Variants in GK5 observed in about 807,000 individuals in gnomAD.
GK5 encodes the protein ATP:glycerol 3-phosphotransferase 5.
In GK5, 39 loss-of-function variants were observed where a neutral mutation model predicts 77.3. The observed-to-expected ratio is 0.50, with a 90% CI of 0.39 to 0.66. GK5 has a LOEUF of 0.66. Ranked by LOEUF, GK5 falls within the 30% of genes least tolerant of loss-of-function variation. The probability of loss-of-function intolerance (pLI) is 0.00; values close to 1 mark genes in which losing one functional copy is unlikely to be tolerated. For missense variants in GK5, 487 were observed against 633.8 expected, an observed-to-expected ratio of 0.77 and a Z score of 2.49; for synonymous variants, 211 against 208.0, an observed-to-expected ratio of 1.01 and a Z score of -0.13.
At chr3:142,168,241 C>G (rs1400382241) in intron 15 of GK5, among the ~76,000 whole-genome samples, 1 of 152,084 alleles carries the variant, frequency 6.6e-6, no homozygotes, top group East Asian at 1.9e-4. Flanking sequence ...TACCTTGTTA[C>G]AGTTCTAAGT....
chr3:142,201,557 C>T (rs918626855), intron 4 of GK5, among the ~76,000 whole-genome samples: 10 of 152,104 alleles, frequency 6.6e-5, no homozygotes, highest in South Asian at 4.1e-4. Flanking sequence ...TTTGTAGTGA[C>T]GGAACTGTTC....
rs902125300 is a variant in GK5, at chr3:142,177,654, ATGATAGTATTTACC to A, written c.1049-92_1049-79del. 1.6e-5 allele frequency: 13 copies of A among 807,900 alleles called. No homozygotes were observed. The African/African-American group carries it at 2.1e-4, about 13-fold the overall frequency. The allele number at this position is 807,900 out of a possible 1,614,324, so 50.0% of individuals were successfully genotyped here. A position where few individuals can be genotyped will look rare whatever the true frequency, so the allele number is the denominator to read the frequency against. ...AGAGGCACAAACAGAATTATGTTAC[ATGATAGTATTTACC>A]TGCATCAACATTTATTATGAATATA... On this transcript the variant is annotated intron_variant, in intron 11 of 15. Coordinates refer to ENST00000392993, the MANE Select transcript of GK5 (RefSeq NM_001039547.3).
intron 3 of GK5, among the ~76,000 whole-genome samples, chr3:142,211,213 G>T (rs1478342873): frequency 4.6e-5 from 7 of 152,168 alleles, no homozygotes; most frequent in African/African-American, 1.2e-4. Flanking sequence ...GGGTGCTACT[G>T]ACATCTAGTG....
intron 12 of GK5, among the ~76,000 whole-genome samples, chr3:142,177,276 C>T (rs773317607): frequency 6.6e-6 from 1 of 152,164 alleles, no homozygotes; most frequent in Non-Finnish European, 1.5e-5. Context: ...ACAAGCCAAG[C>T]CAGCAGGGCC....
chr3:142,171,451 CTT>C lies in GK5; in HGVS notation c.1273_1274del (p.Lys425GlufsTer18). The C allele has an allele frequency of 1.4e-6, 2 of 1,467,852 alleles. No homozygotes were observed. Among genetic ancestry groups the C allele is most frequent in the Non-Finnish European group, 1.8e-6 (2 of 1,087,788 alleles). 90.9% of individuals were successfully genotyped at this position (1,467,852 alleles called of 1,614,324 possible). On this transcript the variant is annotated frameshift_variant, in exon 14 of 16. Transcript: ENST00000392993. LOFTEE classifies it high-confidence loss of function. ...FRNKQLYEMM[K>X]KEIHIPVRKI... ...TTCTTACAGGAATATGAATCTCTTT[CTT>C]CATCATCTCATATAACTGTTTGTTT...
intron 5 of GK5, among the ~76,000 whole-genome samples, chr3:142,196,393 T>C (rs1210373322): frequency 1.3e-5 from 2 of 152,098 alleles, no homozygotes; most frequent in Non-Finnish European, 2.9e-5. Context: ...TAAGGTAGAA[T>C]GGTAGACTAT....
chr3:142,215,514 G>T, intron 2 of GK5, 85 bp downstream of exon 2: 1 of 692,908 alleles, frequency 1.4e-6, no homozygotes, highest in South Asian at 1.9e-5. Context: ...TATAACTTAG[G>T]AAAACCACAA....
chr3:142,201,768 G>T (rs9814922), intron 4 of GK5, among the ~76,000 whole-genome samples: 98,073 of 152,082 alleles, frequency 0.64, 32,521 homozygotes, highest in African/African-American at 0.8. Context: ...ATTTTACCAT[G>T]GGGAGAAAGT....
At position 142,159,079 on chromosome 3, in the gene GK5, GATCAT is replaced by G. The variant is rs2063403719; in HGVS notation, c.*6538_*6542del. ...ATGGCTCATTAAGCAAACATTTAGT[GATCAT>G]ATCTCACTGCAGCCTCGAACTCCTG... On this transcript the variant is annotated 3_prime_UTR_variant, in exon 16 of 16. Coordinates refer to ENST00000392993, the MANE Select transcript of GK5 (RefSeq NM_001039547.3). 6.6e-6 allele frequency: 1 copy of G among 152,146 alleles called. No homozygotes were observed. The highest frequency in any genetic ancestry group is 2.1e-4 in the South Asian group (1 of 4,822). 9.4% of individuals were successfully genotyped at this position (152,146 alleles called of 1,614,324 possible). A position where few individuals can be genotyped will look rare whatever the true frequency, so the allele number is the denominator to read the frequency against.
At chr3:142,167,373 C>CA (rs34862424) in intron 15 of GK5, among the ~76,000 whole-genome samples, 41 of 137,832 alleles carry the variant, frequency 3.0e-4, no homozygotes, top group Middle Eastern at 7.4e-3. Context: ...GACTCCATCT[C>CA]AAAAAAAAAA....
chr3:142,215,575 T>C, intron 2 of GK5, 24 bp downstream of exon 2: 1 of 1,246,838 alleles, frequency 8.0e-7, no homozygotes. Context: ...TAAAGATTAT[T>C]GTTATTTTTA....
chr3:142,183,996 C>T lies in GK5; in HGVS notation c.817-947G>A, dbSNP rs142160088. On this transcript the variant is annotated intron_variant, in intron 9 of 15. Coordinates refer to ENST00000392993, the MANE Select transcript of GK5 (RefSeq NM_001039547.3). Reference sequence around the variant, plus strand: ...GTAAGAGGCCAGGCGCGGTGACTCACGCCTGTAATCCCAACACTTTGGGAG... The same window carrying T: ...GTAAGAGGCCAGGCGCGGTGACTCATGCCTGTAATCCCAACACTTTGGGAG... Among the ~76,000 whole-genome samples the T allele has an allele frequency of 1.0e-2, 1,514 of 151,866 alleles. 26 individuals carry two copies. Among genetic ancestry groups the T allele is most frequent in the African/African-American group, 0.034 (1,401 of 41,396 alleles).
intron 12 of GK5, among the ~76,000 whole-genome samples, chr3:142,173,968 G>T (rs527920311): frequency 2.0e-5 from 3 of 151,964 alleles, no homozygotes; most frequent in Non-Finnish European, 4.4e-5. Flanking sequence ...TCTTGGTTTG[G>T]CTTCCTCAGG....
In GK5 at chr3:142,200,087, CTA is replaced by C. The variant is rs746964293; in HGVS notation, c.412-1156_412-1155del. Among the ~76,000 whole-genome samples the C allele has an allele frequency of 7.3e-3, 1,092 of 149,318 alleles. 6 individuals are homozygous for C. The highest frequency in any genetic ancestry group is 0.01 in the Non-Finnish European group (692 of 67,552). ...TTCAGTGCTCACACCTTCTTTATTT[CTA>C]TATATATATACACACACACACACAC... is the stretch of plus-strand genomic sequence containing the variant. On this transcript the variant is annotated intron_variant, in intron 4 of 15. Coordinates refer to ENST00000392993, the MANE Select transcript of GK5 (RefSeq NM_001039547.3).
chr3:142,190,281 C>G (rs1177033306), intron 5 of GK5, among the ~76,000 whole-genome samples: 2 of 151,966 alleles, frequency 1.3e-5, no homozygotes, highest in East Asian at 3.9e-4. Flanking sequence ...GTGAGAAGGT[C>G]TAAACTTAAA....
At chr3:142,172,183 G>T (rs1217332586) in intron 13 of GK5, among the ~76,000 whole-genome samples, 170 bp downstream of exon 13, 1 of 151,950 alleles carries the variant, frequency 6.6e-6, no homozygotes, top group Non-Finnish European at 1.5e-5. Context: ...AAATAAGAAA[G>T]ATACCATGGA....
chr3:142,187,571 C>G (rs2063789187), intron 6 of GK5, 133 bp downstream of exon 6: 6 of 661,272 alleles, frequency 9.1e-6, no homozygotes, highest in Non-Finnish European at 1.6e-5. Context: ...CACCATTGCA[C>G]TCCCGCCTGG....
chr3:142,196,970 G>A (rs1002253862), intron 5 of GK5, among the ~76,000 whole-genome samples: 1 of 152,026 alleles, frequency 6.6e-6, no homozygotes. Context: ...GGTGGATCAC[G>A]AGGTCAGGAG....
chr3:142,212,605 C>T (rs993749877), intron 3 of GK5, among the ~76,000 whole-genome samples: 2 of 152,042 alleles, frequency 1.3e-5, no homozygotes, highest in Non-Finnish European at 2.9e-5. Context: ...AGAACATACG[C>T]TTCTGAGTCA....
Sources: gnomAD v4.1 joint callset for allele counts (sites outside exome capture counted in the v4.1 genomes callset) on GRCh38, gnomAD v4.1.1 for gene constraint, MANE v1.5 for transcripts, NCBI Gene and HGNC (gene_info 2026-07-23, HGNC 2026-07-21) for gene names.